The following SKAP1 variants were observed in gnomAD, a reference collection of about 807,000 sequenced individuals.
SKAP1 encodes src kinase-associated phosphoprotein 1.
A neutral mutation model predicts 58.5 loss-of-function variants in SKAP1; 44 were observed. The observed-to-expected ratio is 0.75, with a 90% CI of 0.59 to 0.97. SKAP1 has a LOEUF of 0.97. SKAP1 is among the 50% of genes least tolerant of loss of function. The pLI is 0.00. For synonymous variants in SKAP1, 127 were observed against 149.7 expected (o/e 0.85, Z 1.11); for missense variants, 390 against 435.2 (o/e 0.90, Z 0.92).
chr17:48,441,875 G>T, the SKAP1 span, among the ~76,000 whole-genome samples: 12 of 152,106 alleles, frequency 7.9e-5, no homozygotes, highest in African/African-American at 2.9e-4. Flanking sequence ...AGGAAATAAG[G>T]TTCCTTCTAG....
At position 48,190,795 on chromosome 17, in the gene SKAP1, C is replaced by T. The variant is rs1427522896; in HGVS notation, c.281-1295G>A. 3.3e-5 allele frequency among the ~76,000 whole-genome samples: 5 copies of T among 152,052 alleles called. No individual in the cohort carries two copies. In the Middle Eastern group the frequency reaches 0.014, roughly 414 times the overall value. ...GGTCAGGAGTTTGAGACCAGCCTGG[C>T]CAACATGGTGAAACCTCATCTCTAC... On this transcript the variant is annotated intron_variant, in intron 4 of 12. Coordinates refer to ENST00000336915, the MANE Select transcript of SKAP1 (RefSeq NM_003726.4).
chr17:48,330,584 T>C (rs2144263279), intron 4 of SKAP1, among the ~76,000 whole-genome samples: 1 of 152,338 alleles, frequency 6.6e-6, no homozygotes, highest in African/African-American at 2.4e-5. Flanking sequence ...AAGGGAAGCA[T>C]TCTGCAACCC....
rs566046954 is a variant in SKAP1 at position 48,168,038 on chromosome 17, G to A, written c.877+2571C>T. 2.0e-5 allele frequency among the ~76,000 whole-genome samples: 3 copies of A among 152,204 alleles called. No homozygotes were observed. In the South Asian group the frequency reaches 6.2e-4, roughly 32 times the overall value. ...GTAAACTGAGCTCTTTATAGATTGA[G>A]CAATCAATACTACAAGGCTGTGATA... On this transcript the variant is annotated intron_variant, in intron 10 of 12. Transcript: ENST00000336915.
Position 48,373,553 on chromosome 17 carries a change from G to A in SKAP1, c.153-9739C>T, listed in dbSNP as rs143014009. 6.6e-5 allele frequency among the ~76,000 whole-genome samples: 10 copies of A among 152,274 alleles called. No homozygotes were observed. In the East Asian group the frequency reaches 1.9e-3, roughly 29 times the overall value. ...CTGGTACTTAAGAGAAGATACAGTT[G>A]TTTTGTTAGATAGCCTATGGGCATG... On this transcript the variant is annotated intron_variant, in intron 2 of 12. Transcript: ENST00000336915.
In SKAP1 at chr17:48,246,073, A is replaced by G. The variant is rs1036527719; in HGVS notation, c.281-56573T>C. ...AACGGGTTGCTATAAATTAAAATAC[A>G]TAAATCACTTAGAACAGAGCCTGGC... On this transcript the variant is annotated intron_variant, in intron 4 of 12. Transcript: ENST00000336915. Among the ~76,000 whole-genome samples, 5 of 152,332 alleles carry G rather than the reference A, an allele frequency of 3.3e-5. No individual in the cohort carries two copies. In the East Asian group the frequency reaches 5.8e-4, roughly 18 times the overall value.
chr17:48,431,540 ACTG>A (rs1567912057), upstream of SKAP1, among the ~76,000 whole-genome samples: 1 of 152,144 alleles, frequency 6.6e-6, no homozygotes, highest in Non-Finnish European at 1.5e-5. Context: ...GTCAAGATAA[ACTG>A]CAGCTCTACT....
intron 9 of SKAP1, among the ~76,000 whole-genome samples, chr17:48,176,448 G>A (rs1202320139): frequency 5.3e-5 from 8 of 150,668 alleles, no homozygotes; most frequent in South Asian, 2.1e-4. Context: ...AAATAACTTC[G>A]GTGGTGGTGG....
At chr17:48,426,390 G>C (rs2067853786) in intron 1 of SKAP1, among the ~76,000 whole-genome samples, 1 of 152,210 alleles carries the variant, frequency 6.6e-6, no homozygotes, top group Non-Finnish European at 1.5e-5. Context: ...GGTAATGTCA[G>C]TAGGCCCCAT....
chr17:48,194,642 G>A (rs2064599613), intron 4 of SKAP1, among the ~76,000 whole-genome samples: 1 of 152,208 alleles, frequency 6.6e-6, no homozygotes, highest in African/African-American at 2.4e-5. Flanking sequence ...TTTCATTATA[G>A]GCAGCTGGCT....
chr17:48,377,004 G>A (rs2067158013), intron 2 of SKAP1, among the ~76,000 whole-genome samples: 1 of 152,130 alleles, frequency 6.6e-6, no homozygotes, highest in African/African-American at 2.4e-5. Context: ...AGGTCCAGAA[G>A]AAGAGAAGGT....
intron 4 of SKAP1, chr17:48,204,222 G>A (rs1453768444): frequency 2.0e-5 from 3 of 151,530 alleles, no homozygotes; most frequent in Non-Finnish European, 4.4e-5. Context: ...AGCCTCCTGA[G>A]TAGCTGTGTT....
intron 1 of SKAP1, among the ~76,000 whole-genome samples, chr17:48,400,076 A>G (rs544820373): frequency 6.6e-6 from 1 of 151,764 alleles, no homozygotes; most frequent in East Asian, 1.9e-4. Context: ...ATGTAAAAAA[A>G]TCAACTGTAT....
intron 10 of SKAP1, among the ~76,000 whole-genome samples, chr17:48,167,097 C>T (rs2064150002): frequency 6.6e-6 from 1 of 152,118 alleles, no homozygotes; most frequent in East Asian, 1.9e-4. Context: ...AACTCCTGGG[C>T]TCAAGCAATT....
At chr17:48,355,426 C>T (rs986621773) in intron 3 of SKAP1, among the ~76,000 whole-genome samples, 1 of 152,090 alleles carries the variant, frequency 6.6e-6, no homozygotes, top group Non-Finnish European at 1.5e-5. Flanking sequence ...CACAGGTGCA[C>T]ACCCCCATGC....
chr17:48,139,860 G>A (rs1347561239), intron 11 of SKAP1, among the ~76,000 whole-genome samples: 3 of 152,026 alleles, frequency 2.0e-5, no homozygotes, highest in Non-Finnish European at 4.4e-5. Flanking sequence ...ATTAAAGTCG[G>A]GGAAGCACCC....
chr17:48,158,745 G>T (rs9894076), intron 11 of SKAP1, among the ~76,000 whole-genome samples: 1 of 151,526 alleles, frequency 6.6e-6, no homozygotes, highest in Non-Finnish European at 1.5e-5. Flanking sequence ...CGGATCACGA[G>T]GTCAGGAGAT....
intron 9 of SKAP1, among the ~76,000 whole-genome samples, chr17:48,171,614 C>A (rs2064217942): frequency 6.6e-6 from 1 of 152,162 alleles, no homozygotes; most frequent in South Asian, 2.1e-4. Context: ...TGTCTATCAC[C>A]AGAATCCTAA....
intron 4 of SKAP1, among the ~76,000 whole-genome samples, chr17:48,323,298 G>C (rs2066393022): frequency 6.6e-6 from 1 of 151,532 alleles, no homozygotes. Flanking sequence ...ACCAGAAAGA[G>C]AAATGGCAGA....
intron 4 of SKAP1, among the ~76,000 whole-genome samples, chr17:48,201,788 T>C (rs2064731212): frequency 6.6e-6 from 1 of 152,140 alleles, no homozygotes; most frequent in Non-Finnish European, 1.5e-5. Flanking sequence ...CAGAACAGGG[T>C]TCAGAAGAAA....
Sources: allele counts gnomAD v4.1 joint callset (sites outside exome capture counted in the v4.1 genomes callset), GRCh38; gene constraint gnomAD v4.1.1; transcripts MANE v1.5; gene names NCBI Gene and HGNC (gene_info 2026-07-23, HGNC 2026-07-21).